Variants in MIA2 observed in about 807,000 individuals in gnomAD.
The protein encoded by MIA2 is MIA SH3 domain ER export factor 2, also known as melanoma inhibitory activity protein 2.
In MIA2, 127 loss-of-function variants were observed where a neutral mutation model predicts 167.8. That is an observed-to-expected ratio of 0.76 (90% confidence interval 0.66 to 0.88). The LOEUF is 0.88. Among genes scored for constraint, MIA2 ranks in the 40% least tolerant of loss-of-function variants. The probability of loss-of-function intolerance (pLI) is 0.00; values close to 1 mark genes in which losing one functional copy is unlikely to be tolerated. For missense variants in MIA2, 1,690 were observed against 1,624.7 expected (o/e 1.04, Z -0.69); for synonymous variants, 552 against 541.9 (o/e 1.02, Z -0.26).
At chr14:39,236,861 A>T in intron 1 of MIA2, 61 bp from the exon 2 acceptor site, 1 of 1,456,858 alleles carries the variant, frequency 6.9e-7, no homozygotes, top group Non-Finnish European at 9.4e-7. Flanking sequence ...CAGCAAGATG[A>T]AAGGAGGAGA....
At chr14:39,372,308 A>G (rs2074964798) in intron 23 of MIA2, among the ~76,000 whole-genome samples, 1 of 152,200 alleles carries the variant, frequency 6.6e-6, no homozygotes, top group African/African-American at 2.4e-5. Flanking sequence ...AACGTAAAAA[A>G]AAAAGTTGAT....
chr14:39,267,311 G>C (rs1046103532), intron 6 of MIA2: 21 of 1,489,618 alleles, frequency 1.4e-5, no homozygotes, highest in Middle Eastern at 2.5e-4. Context: ...CTGTCCCCCA[G>C]CTCCCCCCGC....
rs891222085 is a variant in MIA2, at chr14:39,324,630, A to G, written c.3497-2234A>G. On this transcript the variant is annotated intron_variant, in intron 24 of 28. Coordinates refer to ENST00000640607, the MANE Select transcript of MIA2 (RefSeq NM_001329214.4). ...TTTTTTTTTATTTTTTTTTTTTGAG[A>G]TAGTCTCACTGTGTTGCCCAGGCTG... Among the ~76,000 whole-genome samples, 10 of 149,962 alleles carry G rather than the reference A, an allele frequency of 6.7e-5. 1 individual carries two copies. Among genetic ancestry groups the G allele is most frequent in the African/African-American group, 2.2e-4 (9 of 40,522 alleles).
downstream of MIA2, among the ~76,000 whole-genome samples, chr14:39,352,374 A>G (rs1299776490): frequency 6.6e-6 from 1 of 151,662 alleles, no homozygotes; most frequent in African/African-American, 2.4e-5. Context: ...TATTTTATTT[A>G]TCTTGTCTTT....
intron 7 of MIA2, among the ~76,000 whole-genome samples, chr14:39,278,586 T>G (rs1819530527): frequency 6.6e-6 from 1 of 152,180 alleles, no homozygotes; most frequent in African/African-American, 2.4e-5. Context: ...CCTGCTTCAT[T>G]ATTTGAGAGA....
intron 23 of MIA2, among the ~76,000 whole-genome samples, chr14:39,365,381 T>C (rs1296629309): frequency 6.6e-6 from 1 of 152,200 alleles, no homozygotes; most frequent in East Asian, 1.9e-4. Context: ...TTTCAGTGCC[T>C]TTAGCCTTCT....
intron 6 of MIA2, chr14:39,267,330 C>A: frequency 6.5e-7 from 1 of 1,534,880 alleles, no homozygotes; most frequent in Non-Finnish European, 8.7e-7. Context: ...GCAGCCGGCT[C>A]CGCAGTGGTC....
At position 39,350,429 on chromosome 14, in the gene MIA2, T is replaced by C. The variant is rs1396806979; in HGVS notation, c.*165T>C. 1 of 442,658 alleles carries C rather than the reference T, an allele frequency of 2.3e-6. No individual in the cohort carries two copies. The highest frequency in any genetic ancestry group is 4.1e-6 in the Non-Finnish European group (1 of 246,178). The allele number at this position is 442,658 out of a possible 1,614,324, so 27.4% of individuals were successfully genotyped here. ...AAAGATGATTTAAATATGAATCTTA[T>C]GAGTAAATTATTTCAATTTTATTTT... On this transcript the variant is annotated 3_prime_UTR_variant, in exon 29 of 29. Transcript: ENST00000640607.
intron 6 of MIA2, among the ~76,000 whole-genome samples, chr14:39,264,404 C>T (rs145724894): frequency 2.7e-4 from 41 of 152,278 alleles, no homozygotes; most frequent in African/African-American, 9.6e-4. Context: ...CTGCAATGAA[C>T]ATGAGAGTGC....
At chr14:39,267,238 G>T in intron 6 of MIA2, 1 of 1,387,588 alleles carries the variant, frequency 7.2e-7, no homozygotes, top group South Asian at 1.6e-5. Context: ...GCTGCCTCGG[G>T]ATGTAAAGTA....
downstream of MIA2, among the ~76,000 whole-genome samples, chr14:39,355,185 A>C (rs1228721667): frequency 6.6e-6 from 1 of 151,582 alleles, no homozygotes; most frequent in Admixed American, 6.6e-5. Context: ...CTTCCTACCC[A>C]TGAGCATGGA....
chr14:39,345,325 C>T lies in MIA2; in HGVS notation c.3656-579C>T, dbSNP rs537295360. Among the ~76,000 whole-genome samples the T allele has an allele frequency of 2.9e-3, 447 of 152,198 alleles. 2 individuals carry two copies. The highest frequency in any genetic ancestry group is 5.4e-3 in the Non-Finnish European group (366 of 68,018). On this transcript the variant is annotated intron_variant, in intron 25 of 28. Coordinates refer to ENST00000640607, the MANE Select transcript of MIA2 (RefSeq NM_001329214.4). Reference sequence around the variant, plus strand: ...CCGACCTTAGGTGATCCACCCGCTTCGGCCTCTCAAAGTGCTGGTATTACA... The same window carrying T: ...CCGACCTTAGGTGATCCACCCGCTTTGGCCTCTCAAAGTGCTGGTATTACA...
chr14:39,334,319 A>T lies in MIA2; in HGVS notation c.3655+7297A>T, dbSNP rs111344622. Among the ~76,000 whole-genome samples the T allele has an allele frequency of 3.3e-5, 5 of 152,086 alleles. 1 individual carries two copies. The highest frequency in any genetic ancestry group is 1.2e-4 in the African/African-American group (5 of 41,536). On this transcript the variant is annotated intron_variant, in intron 25 of 28. Coordinates refer to ENST00000640607, the MANE Select transcript of MIA2 (RefSeq NM_001329214.4). ...GCAAAACCCTGTTCCTACAAAAAATACAAAAATTAGCTGGGTGTGGTGGCA... is the reference window on the plus strand; with the variant it reads ...GCAAAACCCTGTTCCTACAAAAAATTCAAAAATTAGCTGGGTGTGGTGGCA...
downstream of MIA2, among the ~76,000 whole-genome samples, chr14:39,356,259 A>G (rs1216161552): frequency 2.0e-5 from 3 of 152,064 alleles, no homozygotes; most frequent in Non-Finnish European, 2.9e-5. Context: ...CAGAGATTCA[A>G]CTTCTTCCTG....
chr14:39,366,618 C>G (rs1211592161), intron 23 of MIA2, among the ~76,000 whole-genome samples: 2 of 152,186 alleles, frequency 1.3e-5, no homozygotes, highest in African/African-American at 4.8e-5. Flanking sequence ...GGCTGATCCC[C>G]ACGCCCTTGG....
chr14:39,273,722 A>G (rs1325060091), intron 6 of MIA2, among the ~76,000 whole-genome samples: 2 of 151,650 alleles, frequency 1.3e-5, no homozygotes, highest in African/African-American at 4.8e-5. Flanking sequence ...ATGTTGCTGG[A>G]TTTGGTTTGT....
chr14:39,326,958 C>T lies in MIA2; in HGVS notation c.3591C>T (p.Pro1197=). ...CDRLTDPHRA[P]SDTGSLSPPW... is the part of the protein sequence containing the mutation. Reference sequence around the variant, plus strand: ...GGTTAACCGATCCTCATAGGGCTCCCTCTGACACTGGGTCTCTGTCACCTC... The same window carrying T: ...GGTTAACCGATCCTCATAGGGCTCCTTCTGACACTGGGTCTCTGTCACCTC... Residue 1197 remains proline, a synonymous_variant, in exon 25 of 29, where the codon CCC becomes CCT. Coordinates refer to ENST00000640607, the MANE Select transcript of MIA2 (RefSeq NM_001329214.4). 1.3e-6 allele frequency: 2 copies of T among 1,586,314 alleles called. No individual in the cohort carries two copies. The highest frequency in any genetic ancestry group is 1.7e-6 in the Non-Finnish European group (2 of 1,168,340).
At chr14:39,306,909 A>G (rs1205518696) in intron 17 of MIA2, among the ~76,000 whole-genome samples, 2 of 152,190 alleles carry the variant, frequency 1.3e-5, no homozygotes, top group African/African-American at 4.8e-5. Context: ...AAGAGAAACG[A>G]GGTTTTTAAA....
At chr14:39,324,482 G>T (rs796697573) in intron 24 of MIA2, among the ~76,000 whole-genome samples, 4 of 152,276 alleles carry the variant, frequency 2.6e-5, no homozygotes, top group African/African-American at 9.6e-5. Flanking sequence ...TTGTTTTAAA[G>T]ATTACTATAT....
Sources: gnomAD v4.1 joint callset for allele counts (sites outside exome capture counted in the v4.1 genomes callset) on GRCh38, gnomAD v4.1.1 for gene constraint, MANE v1.5 for transcripts, NCBI Gene and HGNC (gene_info 2026-07-23, HGNC 2026-07-21) for gene names.